The following CCDC178 variants were observed in gnomAD, a reference collection of about 807,000 sequenced individuals.
The protein encoded by CCDC178 is coiled-coil domain-containing protein 178.
Under a neutral mutation model 117.4 loss-of-function variants are expected in CCDC178, and 126 were observed. The ratio of observed to expected loss-of-function variants is 1.07; its 90% CI spans 0.93 to 1.24. The LOEUF is 1.24. Among genes scored for constraint, CCDC178 ranks in the 50% most tolerant of loss-of-function variants. CCDC178 has a pLI of 0.00. For missense variants in CCDC178, 1,030 were observed against 986.9 expected, an observed-to-expected ratio of 1.04 and a Z score of -0.59; for synonymous variants, 283 against 313.4, an observed-to-expected ratio of 0.90 and a Z score of 1.02.
chr18:33,436,902 T>A (rs75829906), intron 2 of CCDC178, among the ~76,000 whole-genome samples: 3 of 152,176 alleles, frequency 2.0e-5, no homozygotes, highest in Non-Finnish European at 2.9e-5. Flanking sequence ...GCTAAGAGCA[T>A]CTGCGTGACC....
At chr18:32,990,919 C>G (rs1016607711) in intron 21 of CCDC178, among the ~76,000 whole-genome samples, 1 of 151,234 alleles carries the variant, frequency 6.6e-6, no homozygotes, top group Non-Finnish European at 1.5e-5. Context: ...AAATGGCTTA[C>G]AAGTAATTAG....
At chr18:32,989,939 G>C (rs538669002) in intron 21 of CCDC178, among the ~76,000 whole-genome samples, 1 of 152,080 alleles carries the variant, frequency 6.6e-6, no homozygotes, top group African/African-American at 2.4e-5. Flanking sequence ...TTTTGACAAA[G>C]GCTGCATGTA....
At chr18:32,948,146 T>G (rs1441963517) in intron 22 of CCDC178, among the ~76,000 whole-genome samples, 2 of 152,160 alleles carry the variant, frequency 1.3e-5, no homozygotes, top group African/African-American at 4.8e-5. Context: ...CATTTAACTT[T>G]GTACTTCCTT....
intron 21 of CCDC178, among the ~76,000 whole-genome samples, chr18:33,025,852 C>T (rs529983481): frequency 2.6e-4 from 39 of 152,206 alleles, no homozygotes; most frequent in Middle Eastern, 6.8e-3. Flanking sequence ...TACCATATGA[C>T]CAAACAATTG....
At chr18:33,272,487 A>G (rs1167782482) in intron 12 of CCDC178, among the ~76,000 whole-genome samples, 2 of 151,650 alleles carry the variant, frequency 1.3e-5, no homozygotes, top group East Asian at 1.9e-4. Context: ...ATGAATCGAC[A>G]TGGGTCTTTC....
chr18:33,260,703 G>A (rs1568096439), intron 14 of CCDC178, among the ~76,000 whole-genome samples: 1 of 151,404 alleles, frequency 6.6e-6, no homozygotes, highest in Non-Finnish European at 1.5e-5. Flanking sequence ...TTAGAATTTT[G>A]TATTGTTCAA....
In CCDC178 at chr18:33,055,999, C is replaced by T. The variant is rs144158214; in HGVS notation, c.2388+36762G>A. Among the ~76,000 whole-genome samples the T allele has an allele frequency of 8.4e-4, 128 of 152,128 alleles. 1 individual carries two copies. Among genetic ancestry groups the T allele is most frequent in the African/African-American group, 3.0e-3 (124 of 41,516 alleles). The stretch of plus-strand genomic sequence containing the variant: ...TGTATTTTTAGCAGAGACAGGGTTT[C>T]ACCATGTTGACCAGGCTGGTCTCAA... On this transcript the variant is annotated intron_variant, in intron 21 of 22. Transcript: ENST00000383096.
intron 6 of CCDC178, among the ~76,000 whole-genome samples, chr18:33,361,275 A>G (rs914412702): frequency 1.3e-5 from 2 of 151,794 alleles, no homozygotes; most frequent in Non-Finnish European, 1.5e-5. Flanking sequence ...TGCAGGGAAA[A>G]CTAAATTTCT....
chr18:33,009,194 C>T (rs919400992), intron 21 of CCDC178, among the ~76,000 whole-genome samples: 2 of 152,064 alleles, frequency 1.3e-5, no homozygotes, highest in African/African-American at 4.8e-5. Context: ...AATCTCTTAT[C>T]TGGATTATTA....
At chr18:32,964,021 C>G (rs2054760508) in intron 22 of CCDC178, among the ~76,000 whole-genome samples, 1 of 151,894 alleles carries the variant, frequency 6.6e-6, no homozygotes, top group African/African-American at 2.4e-5. Flanking sequence ...TTACATTTTA[C>G]CCATATCAAT....
At chr18:33,245,996 A>G (rs1189780360) in intron 14 of CCDC178, among the ~76,000 whole-genome samples, 2 of 151,840 alleles carry the variant, frequency 1.3e-5, no homozygotes, top group Non-Finnish European at 2.9e-5. Context: ...AAAATCCCCT[A>G]AAGGTACAAA....
chr18:33,311,906 G>T (rs2144955898), intron 11 of CCDC178, among the ~76,000 whole-genome samples: 1 of 152,222 alleles, frequency 6.6e-6, no homozygotes, highest in East Asian at 1.9e-4. Flanking sequence ...ATAGGAGTGT[G>T]AAGGAAGACA....
chr18:33,048,936 C>G (rs1038831502), intron 21 of CCDC178, among the ~76,000 whole-genome samples: 1 of 152,130 alleles, frequency 6.6e-6, no homozygotes, highest in African/African-American at 2.4e-5. Context: ...CACTCCATCC[C>G]TATCACACCA....
intron 21 of CCDC178, among the ~76,000 whole-genome samples, chr18:33,059,789 A>G (rs530750223): frequency 5.8e-4 from 89 of 152,264 alleles, no homozygotes; most frequent in Non-Finnish European, 1.1e-3. Flanking sequence ...TATTTCTTCA[A>G]GGGTAATTTC....
chr18:33,338,933 G>C (rs1255350080), intron 9 of CCDC178, among the ~76,000 whole-genome samples: 2 of 151,936 alleles, frequency 1.3e-5, no homozygotes, highest in Admixed American at 6.6e-5. Context: ...AATTAAATTA[G>C]CCTTAACAGA....
intron 5 of CCDC178, among the ~76,000 whole-genome samples, chr18:33,374,173 G>C (rs1472110085): frequency 6.6e-6 from 1 of 152,098 alleles, no homozygotes; most frequent in Non-Finnish European, 1.5e-5. Flanking sequence ...AAGAGGGCAG[G>C]AACTCAAGAA....
intron 20 of CCDC178, among the ~76,000 whole-genome samples, chr18:33,168,506 C>A (rs2058560373): frequency 6.6e-6 from 1 of 151,984 alleles, no homozygotes; most frequent in South Asian, 2.1e-4. Flanking sequence ...TTTTTCCAAT[C>A]TAAAAAAATC....
At chr18:33,132,485 A>G (rs896424111) in intron 20 of CCDC178, among the ~76,000 whole-genome samples, 4 of 151,700 alleles carry the variant, frequency 2.6e-5, no homozygotes, top group African/African-American at 9.7e-5. Flanking sequence ...ACTGGGTTTC[A>G]AGTGTTTTAT....
chr18:32,988,667 CAT>C lies in CCDC178; in HGVS notation c.2389-13988_2389-13987del, dbSNP rs142864382. ...AGGAAAAGAGTAATAAAATGGAAACCATATATATATGATAGAGGAAATTCACA... is the reference window on the plus strand; with the variant it reads ...AGGAAAAGAGTAATAAAATGGAAACCATATATATGATAGAGGAAATTCACA... On this transcript the variant is annotated intron_variant, in intron 21 of 22. Coordinates refer to ENST00000383096, the MANE Select transcript of CCDC178 (RefSeq NM_001105528.4). Among the ~76,000 whole-genome samples the C allele has an allele frequency of 9.3e-3, 1,406 of 151,442 alleles. 22 individuals are homozygous for C. The highest frequency in any genetic ancestry group is 0.033 in the African/African-American group (1,351 of 41,344).
Sources: gnomAD v4.1 joint callset for allele counts (sites outside exome capture counted in the v4.1 genomes callset) on GRCh38, gnomAD v4.1.1 for gene constraint, MANE v1.5 for transcripts, NCBI Gene and HGNC (gene_info 2026-07-23, HGNC 2026-07-21) for gene names.